The following GFAP variants were observed in gnomAD, a reference collection of about 807,000 sequenced individuals.
GFAP encodes the protein glial fibrillary acidic protein, also known as intermediate filament protein.
In GFAP, 38 loss-of-function variants were observed where a neutral mutation model predicts 49.3. The observed-to-expected ratio is 0.77, with a 90% confidence interval of 0.60 to 1.01. The LOEUF is 1.01. Ranked by LOEUF, GFAP falls within the 50% of genes least tolerant of loss-of-function variation. GFAP has a pLI of 0.00. For synonymous variants in GFAP, 222 were observed against 236.4 expected (o/e 0.94, Z 0.56); for missense variants, 463 against 579.1 (o/e 0.80, Z 2.06).
At chr17:44,910,532 A>T in intron 7 of GFAP, 83 bp downstream of exon 7, 1 of 1,553,360 alleles carries the variant, frequency 6.4e-7, no homozygotes, top group Non-Finnish European at 8.7e-7. Flanking sequence ...CCTGATCCTC[A>T]GTCCCAGTCT....
chr17:44,913,985 A>G (rs1456801637), intron 2 of GFAP, 43 bp downstream of exon 2: 2 of 1,436,828 alleles, frequency 1.4e-6, no homozygotes, highest in African/African-American at 1.4e-5. Flanking sequence ...GTGGCCATCA[A>G]TCCTTTCCTC....
At chr17:44,911,484 G>A (rs768811662) in intron 5 of GFAP, 28 bp from the exon 6 acceptor site, 2 of 1,580,166 alleles carry the variant, frequency 1.3e-6, no homozygotes, top group South Asian at 1.1e-5. Context: ...CCGGTCCCGC[G>A]GAGCCCCGAC....
At position 44,909,811 on chromosome 17, in the gene GFAP, G is replaced by A. The variant is rs1028994717; in HGVS notation, c.1171+804C>T. 3.0e-5 allele frequency: 35 copies of A among 1,173,360 alleles called. No individual in the cohort carries two copies. In the East Asian group the frequency reaches 4.9e-4, roughly 16 times the overall value. 72.7% of individuals were successfully genotyped at this position (1,173,360 alleles called of 1,614,324 possible). A position where few individuals can be genotyped will look rare whatever the true frequency, so the allele number is the denominator to read the frequency against. On this transcript the variant is annotated intron_variant, in intron 7 of 8. Transcript: ENST00000588735. The stretch of plus-strand genomic sequence containing the variant: ...GAAAGAATAAAGCAGAGAGCCTGGC[G>A]TCCAGGCACAGCGAGACCCAAGGGG...
rs1157150439 is a variant in GFAP at position 44,904,079 on chromosome 17, G to A, written c.*3268C>T. On this transcript the variant is annotated 3_prime_UTR_variant, in exon 9 of 9. Transcript: ENST00000588735. Reference sequence around the variant, plus strand: ...CACCAAAGTGCTGACGGACTTTGATGGGCGGGTGCTGACGGAGGCAGCCCA... The same window carrying A: ...CACCAAAGTGCTGACGGACTTTGATAGGCGGGTGCTGACGGAGGCAGCCCA... 1 of 1,550,618 alleles carries A rather than the reference G, an allele frequency of 6.4e-7. No individual in the cohort carries two copies. Among genetic ancestry groups the A allele is most frequent in the Admixed American group, 2.0e-5 (1 of 51,006 alleles).
In GFAP at chr17:44,907,239, G is replaced by T. The variant is rs2051666555; in HGVS notation, c.*108C>A. ...AGGAGGGAGGGGAGCAGCTGGGGTGGTGGGGAGCTCAGGTCTGGGGAAATG... is the reference window on the plus strand; with the variant it reads ...AGGAGGGAGGGGAGCAGCTGGGGTGTTGGGGAGCTCAGGTCTGGGGAAATG... On this transcript the variant is annotated 3_prime_UTR_variant, in exon 9 of 9. Transcript: ENST00000588735. 1 of 1,021,740 alleles carries T rather than the reference G, an allele frequency of 9.8e-7. No homozygotes were observed. Among genetic ancestry groups the T allele is most frequent in the Non-Finnish European group, 1.5e-6 (1 of 646,372 alleles). The allele number at this position is 1,021,740 out of a possible 1,614,324, so 63.3% of individuals were successfully genotyped here.
rs113487550 is a variant in GFAP, at chr17:44,907,331, C to T, written c.*16G>A. ...CCCTCATGAGACGGGGCAGAGGCCACCAGGTGGGTCCTGCCTCACATCACA... is the reference window on the plus strand; with the variant it reads ...CCCTCATGAGACGGGGCAGAGGCCATCAGGTGGGTCCTGCCTCACATCACA... On this transcript the variant is annotated 3_prime_UTR_variant, in exon 9 of 9. Coordinates refer to ENST00000588735, the MANE Select transcript of GFAP (RefSeq NM_002055.5). 0.031 allele frequency: 49,481 copies of T among 1,612,176 alleles called. 880 individuals carry two copies. The highest frequency in any genetic ancestry group is 0.036 in the Non-Finnish European group (42,831 of 1,178,304).
intron 7 of GFAP, 26 bp downstream of exon 7, chr17:44,910,589 T>C: frequency 6.4e-7 from 1 of 1,565,030 alleles, no homozygotes; most frequent in Non-Finnish European, 8.7e-7. Flanking sequence ...TCCAGTGCCC[T>C]TCCCACGAGG....
intron 7 of GFAP, 123 bp from the exon 8 acceptor site, chr17:44,908,272 CAG>C (rs1318699536): frequency 1.1e-5 from 8 of 706,742 alleles, no homozygotes; most frequent in Non-Finnish European, 2.1e-5. Context: ...TGCAACCGAG[CAG>C]AGAGAGCCTA....
Position 44,911,688 on chromosome 17 carries a change from T to A in GFAP, c.890A>T (p.Glu297Val). 1 of 1,613,492 alleles carries A rather than the reference T, an allele frequency of 6.2e-7. No homozygotes were observed. Among genetic ancestry groups the A allele is most frequent in the African/African-American group, 1.3e-5 (1 of 75,052 alleles). Reference sequence around the variant, plus strand: ...CGCGCTCACCGTGCCGCGCAGAGACTCCAGGTCGCAGGTCAAGGACTGCAA... The same window carrying A: ...CGCGCTCACCGTGCCGCGCAGAGACACCAGGTCGCAGGTCAAGGACTGCAA... ...RQLQSLTCDL[E>V]SLRGTNESLE... Residue 297 changes from glutamate (E) to valine (V), a missense_variant, in exon 5 of 9, where the codon GAG becomes GTG. Glu to Val is a moderately radical substitution (Grantham distance 121, BLOSUM62 -2). Coordinates refer to ENST00000588735, the MANE Select transcript of GFAP (RefSeq NM_002055.5).
Position 44,910,643 on chromosome 17 carries a change from C to A in GFAP, c.1143G>T (p.Val381=). 1.3e-6 allele frequency: 2 copies of A among 1,585,980 alleles called. No individual in the cohort carries two copies. Among genetic ancestry groups the A allele is most frequent in the East Asian group, 2.3e-5 (1 of 44,136 alleles). ...GAATCTGCAGGTTGGAGAAGGTCTG[C>A]ACGGGAATGGTGATCCTGAAAGAAA... The part of the protein sequence containing the change: ...EGEENRITIP[V]QTFSNLQIRE... The change falls in exon 7 of 9, where the codon GTG becomes GTT. Residue 381 remains valine, a synonymous_variant. Transcript: ENST00000588735.
At position 44,905,068 on chromosome 17, in the gene GFAP, C is replaced by A; in HGVS notation, c.*2279G>T. 6.5e-7 allele frequency: 1 copy of A among 1,535,168 alleles called. No homozygotes were observed. Among genetic ancestry groups the A allele is most frequent in the South Asian group, 1.2e-5 (1 of 81,870 alleles). On this transcript the variant is annotated 3_prime_UTR_variant, in exon 9 of 9. Coordinates refer to ENST00000588735, the MANE Select transcript of GFAP (RefSeq NM_002055.5). ...TTCACTGTTGTCCCAGCTTCTCCCC[C>A]TAGGAGCTCTCTTCAGCTCTGAAGA...
chr17:44,910,032 GGGGAAGCCT>G, intron 7 of GFAP: 1 of 1,595,946 alleles, frequency 6.3e-7, no homozygotes, highest in African/African-American at 1.3e-5. Flanking sequence ...AGGCCCTTTA[GGGGAAGCCT>G]GGGAAGAGGG....
rs2229012 is a variant in GFAP, at chr17:44,913,329, C to T, written c.720G>A (p.Thr240=). ...TGCTGGACGCCATTGCCTCATACTG[C>T]GTGCGGATCTCTTTCAGGGCTGCGG... is the stretch of plus-strand genomic sequence containing the variant. The part of the protein sequence containing the change: ...DLTAALKEIR[T]QYEAMASSNM... The change falls in exon 4 of 9, where the codon ACG becomes ACA. Residue 240 remains threonine (T), a synonymous_variant. Transcript: ENST00000588735. 21 of 1,614,060 alleles carry T rather than the reference C, an allele frequency of 1.3e-5. No individual in the cohort carries two copies. The highest frequency in any genetic ancestry group is 2.7e-5 in the African/African-American group (2 of 74,928).
chr17:44,904,162 G>T lies in GFAP; in HGVS notation c.*3185C>A. 6.5e-7 allele frequency: 1 copy of T among 1,550,346 alleles called. No individual in the cohort carries two copies. Among genetic ancestry groups the T allele is most frequent in the Non-Finnish European group, 8.7e-7 (1 of 1,146,768 alleles). ...TCAGCATCCGCATGTTCAGCTTGTT[G>T]GTTTTCAGGGCTCAGTCTGAGGACT... On this transcript the variant is annotated 3_prime_UTR_variant, in exon 9 of 9. Transcript: ENST00000588735.
intron 7 of GFAP, chr17:44,910,177 C>A: frequency 6.2e-7 from 1 of 1,613,662 alleles, no homozygotes. Context: ...ATCTGGTGAG[C>A]CTGTATTGGT....
rs551532739 is a variant in GFAP, at chr17:44,904,843, T to C, written c.*2504A>G. ...TCCACATCCGCTTCACCCAGCTGGATGACCGGGGCATCTACTATTGCTGGA... is the reference window on the plus strand; with the variant it reads ...TCCACATCCGCTTCACCCAGCTGGACGACCGGGGCATCTACTATTGCTGGA... On this transcript the variant is annotated 3_prime_UTR_variant, in exon 9 of 9. Transcript: ENST00000588735. 3.2e-6 allele frequency: 5 copies of C among 1,550,652 alleles called. No homozygotes were observed. The highest frequency in any genetic ancestry group is 2.4e-5 in the East Asian group (1 of 40,926).
chr17:44,911,031 C>G (rs1397908288), intron 6 of GFAP, among the ~76,000 whole-genome samples: 1 of 152,188 alleles, frequency 6.6e-6, no homozygotes, highest in African/African-American at 2.4e-5. Context: ...GAGGCCTAAT[C>G]AATATTGGTT....
At position 44,911,362 on chromosome 17, in the gene GFAP, T is replaced by C. The variant is rs2145632966; in HGVS notation, c.1001A>G (p.Glu334Gly). 2 of 1,614,116 alleles carry C rather than the reference T, an allele frequency of 1.2e-6. No individual in the cohort carries two copies. The highest frequency in any genetic ancestry group is 1.7e-6 in the Non-Finnish European group (2 of 1,179,992). ...YQEALARLEE[E>G]GQSLKDEMAR... ...CATCTCGTCCTTGAGGCTCTGCCCC[T>C]CTTCCTCCAGCCGCGCCAGCGCCTC... Residue 334 changes from glutamate to glycine, a missense_variant, in exon 6 of 9, where the codon GAG (glutamate) becomes GGG (glycine). Coordinates refer to ENST00000588735, the MANE Select transcript of GFAP (RefSeq NM_002055.5).
chr17:44,908,296 A>C, intron 7 of GFAP, 147 bp from the exon 8 acceptor site: 1 of 616,164 alleles, frequency 1.6e-6, no homozygotes, highest in Non-Finnish European at 2.9e-6. Flanking sequence ...GCTCTTCCAA[A>C]CGGGCTGGAG....
Sources: gnomAD v4.1 joint callset for allele counts (sites outside exome capture counted in the v4.1 genomes callset) on GRCh38, gnomAD v4.1.1 for gene constraint, MANE v1.5 for transcripts, NCBI Gene and HGNC (gene_info 2026-07-23, HGNC 2026-07-21) for gene names.